The following VPS8 variants were observed in gnomAD, a reference collection of about 807,000 sequenced individuals.
The protein encoded by VPS8 is vacuolar protein sorting-associated protein 8 homolog.
In VPS8, 129 loss-of-function variants were observed where a neutral mutation model predicts 216.4. The ratio of observed to expected loss-of-function variants is 0.60; its 90% CI spans 0.52 to 0.69. The LOEUF is 0.69. VPS8 is among the 30% of genes least tolerant of loss of function. The pLI is 0.00. For synonymous variants in VPS8, 571 were observed against 565.4 expected, an observed-to-expected ratio of 1.01 and a Z score of -0.14; for missense variants, 1,531 against 1,683.5, an observed-to-expected ratio of 0.91 and a Z score of 1.59.
At chr3:184,928,610 A>G (rs1181477408) in intron 32 of VPS8, 77 bp downstream of exon 32, 1 of 1,040,140 alleles carries the variant, frequency 9.6e-7, no homozygotes, top group African/African-American at 1.7e-5. Flanking sequence ...AGCTCAGTTT[A>G]TTGATACATT....
intron 22 of VPS8, among the ~76,000 whole-genome samples, chr3:184,886,980 T>A (rs1027673938): frequency 1.3e-5 from 2 of 152,236 alleles, no homozygotes; most frequent in African/African-American, 4.8e-5. Flanking sequence ...TTTTGTTTGT[T>A]TGTTTAAAAT....
chr3:184,933,573 T>TC (rs1025866951), intron 34 of VPS8, among the ~76,000 whole-genome samples: 15 of 151,852 alleles, frequency 9.9e-5, no homozygotes, highest in African/African-American at 2.9e-4. Flanking sequence ...AATAATCATT[T>TC]CCCCCCCTCT....
intron 25 of VPS8, among the ~76,000 whole-genome samples, chr3:184,903,865 A>C (rs1305781729): frequency 6.6e-6 from 1 of 152,118 alleles, no homozygotes; most frequent in East Asian, 1.9e-4. Context: ...ATATTACCAA[A>C]TCTTTCAGTT....
intron 45 of VPS8, among the ~76,000 whole-genome samples, chr3:185,018,751 T>C (rs984527597): frequency 1.3e-5 from 2 of 152,208 alleles, no homozygotes; most frequent in Admixed American, 6.5e-5. Flanking sequence ...AGCTATAATA[T>C]TTCCCTGTTA....
In VPS8 at chr3:184,939,801, C is replaced by G. The variant is rs115817989; in HGVS notation, c.2989-396C>G. ...CCTGGATGAACTATCTCACAGCAACCCATTGCCACAGGAGGACCAGGTTAA... is the reference window on the plus strand; with the variant it reads ...CCTGGATGAACTATCTCACAGCAACGCATTGCCACAGGAGGACCAGGTTAA... On this transcript the variant is annotated intron_variant, in intron 35 of 47. Coordinates refer to ENST00000625842, the MANE Select transcript of VPS8 (RefSeq NM_001009921.3). Among the ~76,000 whole-genome samples the G allele has an allele frequency of 4.6e-3, 707 of 152,208 alleles. 7 individuals carry two copies. Among genetic ancestry groups the G allele is most frequent in the African/African-American group, 0.016 (662 of 41,516 alleles).
At chr3:184,908,416 G>A (rs1735878363) in intron 25 of VPS8, among the ~76,000 whole-genome samples, 1 of 152,228 alleles carries the variant, frequency 6.6e-6, no homozygotes. Flanking sequence ...CACTCCAAGT[G>A]CTGACACAGG....
At chr3:184,930,331 A>G (rs1740455782) in intron 33 of VPS8, 139 bp from the exon 34 acceptor site, 1 of 535,258 alleles carries the variant, frequency 1.9e-6, no homozygotes, top group Non-Finnish European at 3.3e-6. Flanking sequence ...ATTTTTAGGG[A>G]CAGAGTTTTC....
intron 1 of VPS8, among the ~76,000 whole-genome samples, chr3:184,822,054 A>G (rs1311476587): frequency 1.3e-5 from 2 of 150,008 alleles, no homozygotes; most frequent in Non-Finnish European, 2.9e-5. Context: ...CATTTTAATG[A>G]TATAGAAATA....
At chr3:184,853,788 T>C in intron 11 of VPS8, 69 bp from the exon 12 acceptor site, 1 of 1,511,370 alleles carries the variant, frequency 6.6e-7, no homozygotes, top group Non-Finnish European at 9.0e-7. Flanking sequence ...ATGAAAGTAG[T>C]CCAGGTAGAG....
intron 45 of VPS8, among the ~76,000 whole-genome samples, chr3:185,010,346 TC>T (rs1754840875): frequency 1.3e-5 from 2 of 152,018 alleles, no homozygotes. Context: ...TAGTATTTGA[TC>T]AAAAATTACT....
At chr3:184,983,133 C>A in intron 42 of VPS8, 39 bp downstream of exon 42, 1 of 1,488,056 alleles carries the variant, frequency 6.7e-7, no homozygotes, top group Non-Finnish European at 9.1e-7. Context: ...TTGATTTCAA[C>A]TAACATTTTA....
chr3:184,917,875 A>G (rs913198793), intron 28 of VPS8, among the ~76,000 whole-genome samples: 2 of 152,202 alleles, frequency 1.3e-5, no homozygotes, highest in Non-Finnish European at 2.9e-5. Flanking sequence ...ACAGAAATGT[A>G]TTTCTCACAG....
intron 46 of VPS8, 33 bp from the exon 47 acceptor site, chr3:185,048,446 A>T: frequency 6.2e-7 from 1 of 1,609,302 alleles, no homozygotes; most frequent in Non-Finnish European, 8.5e-7. Flanking sequence ...TAGCCACGTG[A>T]TGTTGTTAAT....
chr3:184,855,860 T>A, intron 14 of VPS8, 42 bp downstream of exon 14: 1 of 1,505,346 alleles, frequency 6.6e-7, no homozygotes. Flanking sequence ...TTACAATTTT[T>A]TTTATTCATC....
At chr3:184,814,264 G>A (rs942020043) in intron 1 of VPS8, among the ~76,000 whole-genome samples, 1 of 152,214 alleles carries the variant, frequency 6.6e-6, no homozygotes, top group African/African-American at 2.4e-5. Flanking sequence ...CTCCAGTGAT[G>A]GAGTACTTGT....
intron 28 of VPS8, among the ~76,000 whole-genome samples, chr3:184,916,863 G>C (rs535661099): frequency 2.0e-5 from 3 of 152,322 alleles, no homozygotes; most frequent in Admixed American, 2.0e-4. Flanking sequence ...GAATTATGCT[G>C]ATGTCTGAAT....
At chr3:185,040,273 C>T (rs1759461469) in intron 46 of VPS8, among the ~76,000 whole-genome samples, 3 of 152,146 alleles carry the variant, frequency 2.0e-5, no homozygotes, top group African/African-American at 7.2e-5. Flanking sequence ...AGAAGCCTCT[C>T]TCCTCATCCA....
chr3:185,009,985 C>CAAAAAAAAAAAAAAAAAAAAAAAAAAAA (rs11367805), intron 45 of VPS8, among the ~76,000 whole-genome samples: 2 of 91,390 alleles, frequency 2.2e-5, no homozygotes, highest in African/African-American at 3.9e-5. Flanking sequence ...ACTTCAGGTC[C>CAAAAAAAAAAAAAAAAAAAAAAAAAAAA]AAAAAAAAAA....
rs114273633 is a variant in VPS8 at position 184,943,181 on chromosome 3, A to G, written c.3035+2938A>G. On this transcript the variant is annotated intron_variant, in intron 36 of 47. Coordinates refer to ENST00000625842, the MANE Select transcript of VPS8 (RefSeq NM_001009921.3). ...TACCTTCCTCCATTTCCCCATCAAA[A>G]CTGTTTTCTAGTTGCTTTGTCAGTT... is the stretch of plus-strand genomic sequence containing the variant. 8.6e-3 allele frequency among the ~76,000 whole-genome samples: 1,310 copies of G among 152,216 alleles called. 24 individuals are homozygous for G. The highest frequency in any genetic ancestry group is 0.028 in the African/African-American group (1,178 of 41,518).
Sources: allele counts gnomAD v4.1 joint callset (sites outside exome capture counted in the v4.1 genomes callset), GRCh38; gene constraint gnomAD v4.1.1; transcripts MANE v1.5; gene names NCBI Gene and HGNC (gene_info 2026-07-23, HGNC 2026-07-21).